The following CADPS2 variants were observed in gnomAD, a reference collection of about 807,000 sequenced individuals.
CADPS2 encodes calcium dependent secretion activator 2.
A neutral mutation model predicts 172.5 loss-of-function variants in CADPS2; 93 were observed. The observed-to-expected ratio is 0.54, with a 90% CI of 0.46 to 0.64. The LOEUF is 0.64. Ranked by LOEUF, CADPS2 falls within the 30% of genes least tolerant of loss-of-function variation. The pLI, the probability that CADPS2 is intolerant of heterozygous loss-of-function variation, is 0.00. For synonymous variants in CADPS2, 546 were observed against 555.2 expected (o/e 0.98, Z 0.23); for missense variants, 1,420 against 1,565.9 (o/e 0.91, Z 1.57).
intron 5 of CADPS2, among the ~76,000 whole-genome samples, chr7:122,616,273 T>C (rs2074907716): frequency 6.6e-6 from 1 of 152,112 alleles, no homozygotes; most frequent in Non-Finnish European, 1.5e-5. Flanking sequence ...AAAACTCATG[T>C]TATGCAGCGA....
Position 122,550,735 on chromosome 7 carries a change from T to G in CADPS2, c.1475+3815A>C, listed in dbSNP as rs558780133. ...CTATGCTAAGGTATAGCCCATTTGTTCAAGAACACTTCTATCTTCATGCTA... is the reference window on the plus strand; with the variant it reads ...CTATGCTAAGGTATAGCCCATTTGTGCAAGAACACTTCTATCTTCATGCTA... On this transcript the variant is annotated intron_variant, in intron 8 of 29. Coordinates refer to ENST00000449022, the MANE Select transcript of CADPS2 (RefSeq NM_017954.11). 6.7e-5 allele frequency among the ~76,000 whole-genome samples: 10 copies of G among 150,104 alleles called. 1 individual carries two copies. The highest frequency in any genetic ancestry group is 2.5e-4 in the African/African-American group (10 of 40,550).
intron 15 of CADPS2, among the ~76,000 whole-genome samples, chr7:122,447,074 T>C (rs375538673): frequency 5.7e-5 from 7 of 122,076 alleles, no homozygotes; most frequent in African/African-American, 2.2e-4. Flanking sequence ...ATTCCCCCAC[T>C]ATAAACAAAA....
intron 1 of CADPS2, among the ~76,000 whole-genome samples, chr7:122,782,612 GCAA>G (rs528094073): frequency 5.9e-5 from 9 of 151,904 alleles, no homozygotes; most frequent in East Asian, 3.9e-4. Context: ...CCCTGTCTCA[GCAA>G]CAACAACAAC....
chr7:122,850,120 ACTC>A (rs963765281), intron 1 of CADPS2: 1 of 1,321,598 alleles, frequency 7.6e-7, no homozygotes, highest in African/African-American at 1.5e-5. Flanking sequence ...TCCATCAACA[ACTC>A]CGAGTTTTAG....
intron 6 of CADPS2, among the ~76,000 whole-genome samples, chr7:122,603,499 T>C (rs767869251): frequency 2.0e-5 from 3 of 150,106 alleles, no homozygotes; most frequent in South Asian, 2.1e-4. Context: ...AAATAAAAAA[T>C]AGTGAATATA....
chr7:122,450,511 T>C (rs2052925262), intron 15 of CADPS2, among the ~76,000 whole-genome samples: 1 of 150,350 alleles, frequency 6.7e-6, no homozygotes, highest in South Asian at 2.1e-4. Flanking sequence ...TGTTTCTTAG[T>C]ATTGGTGGCC....
At chr7:122,376,375 T>C (rs1398423911) in intron 25 of CADPS2, among the ~76,000 whole-genome samples, 1 of 152,132 alleles carries the variant, frequency 6.6e-6, no homozygotes, top group African/African-American at 2.4e-5. Context: ...TATGTGCATA[T>C]AATGAAATAT....
At chr7:122,766,231 C>G (rs748091002) in intron 1 of CADPS2, among the ~76,000 whole-genome samples, 1 of 151,952 alleles carries the variant, frequency 6.6e-6, no homozygotes, top group Non-Finnish European at 1.5e-5. Flanking sequence ...CCCCCATGGA[C>G]CAAATATCTC....
At chr7:122,676,175 T>TA (rs2082361118) in intron 2 of CADPS2, among the ~76,000 whole-genome samples, 1 of 152,210 alleles carries the variant, frequency 6.6e-6, no homozygotes, top group Non-Finnish European at 1.5e-5. Context: ...AAATATTCTT[T>TA]AAAAAATGAA....
In CADPS2 at chr7:122,393,266, G is replaced by C; in HGVS notation, c.2938C>G (p.Leu980Val). The change falls in exon 22 of 30, where the codon CTG (leucine) becomes GTG (valine). Residue 980 changes from leucine (L) to valine (V), a missense_variant. Physicochemically the swap from Leu to Val is conservative, Grantham distance 32. Coordinates refer to ENST00000449022, the MANE Select transcript of CADPS2 (RefSeq NM_017954.11). Reference sequence around the variant, plus strand: ...GGAATCTGTGGAAGATTAAGAGGCAGACTTGGAACTTTTGGAAGAGCTACA... The same window carrying C: ...GGAATCTGTGGAAGATTAAGAGGCACACTTGGAACTTTTGGAAGAGCTACA... ...PNVALPKVPS[L>V]PLNLPQIPNI... The C allele has an allele frequency of 1.2e-6, 2 of 1,613,858 alleles. No homozygotes were observed. Among genetic ancestry groups the C allele is most frequent in the Non-Finnish European group, 1.7e-6 (2 of 1,179,800 alleles).
intron 1 of CADPS2, among the ~76,000 whole-genome samples, chr7:122,738,648 C>T (rs1195236692): frequency 1.3e-5 from 2 of 151,842 alleles, no homozygotes; most frequent in Admixed American, 6.6e-5. Flanking sequence ...TGACTTGGCT[C>T]AAAAAGAAGG....
intron 15 of CADPS2, among the ~76,000 whole-genome samples, chr7:122,442,454 C>T (rs946120557): frequency 6.6e-6 from 1 of 152,170 alleles, no homozygotes; most frequent in Non-Finnish European, 1.5e-5. Flanking sequence ...TGGCACCTTG[C>T]TCTGACTTAG....
intron 9 of CADPS2, among the ~76,000 whole-genome samples, chr7:122,496,601 C>A (rs1174304931): frequency 6.6e-6 from 1 of 152,016 alleles, no homozygotes; most frequent in Non-Finnish European, 1.5e-5. Context: ...AAATATTTTT[C>A]ATTTTTATGA....
chr7:122,681,914 CTTT>C (rs994293857), intron 2 of CADPS2, among the ~76,000 whole-genome samples: 1 of 147,180 alleles, frequency 6.8e-6, no homozygotes, highest in African/African-American at 2.5e-5. Flanking sequence ...AAGCATAAAG[CTTT>C]TTTTTTTGTT....
At chr7:122,817,062 A>G (rs1044607322) in intron 1 of CADPS2, among the ~76,000 whole-genome samples, 1 of 150,888 alleles carries the variant, frequency 6.6e-6, no homozygotes, top group African/African-American at 2.5e-5. Flanking sequence ...CCCCACCCAT[A>G]TCTCCCTTCG....
intron 9 of CADPS2, among the ~76,000 whole-genome samples, chr7:122,496,230 C>T (rs1463715496): frequency 6.6e-6 from 1 of 152,140 alleles, no homozygotes; most frequent in African/African-American, 2.4e-5. Flanking sequence ...TGCACAATCT[C>T]AGCTCACTGC....
At chr7:122,540,095 A>C (rs2062764342) in intron 8 of CADPS2, among the ~76,000 whole-genome samples, 2 of 152,084 alleles carry the variant, frequency 1.3e-5, no homozygotes, top group Non-Finnish European at 2.9e-5. Flanking sequence ...TTTGAGATTT[A>C]GTCTAGAATT....
intron 18 of CADPS2, 81 bp from the exon 19 acceptor site, chr7:122,414,157 T>C: frequency 1.0e-6 from 1 of 978,766 alleles, no homozygotes; most frequent in Admixed American, 2.7e-5. Flanking sequence ...AAAAAGGTCA[T>C]CATAATAGTC....
intron 2 of CADPS2, among the ~76,000 whole-genome samples, chr7:122,705,884 A>G (rs1273022253): frequency 0.025 from 55 of 2,212 alleles, 22 homozygotes; most frequent in African/African-American, 0.065. Context: ...AATATAATAT[A>G]ATAAATATAA....
Sources: allele counts gnomAD v4.1 joint callset (sites outside exome capture counted in the v4.1 genomes callset), GRCh38; gene constraint gnomAD v4.1.1; transcripts MANE v1.5; gene names NCBI Gene and HGNC (gene_info 2026-07-23, HGNC 2026-07-21).